Variants in NPAS3 observed in about 807,000 individuals in gnomAD.
NPAS3 encodes neuronal PAS domain-containing protein 3.
NPAS3 carries 14 observed loss-of-function variants against 73.1 expected under a neutral mutation model. The ratio of observed to expected loss-of-function variants is 0.19; its 90% CI spans 0.13 to 0.30. The LOEUF is 0.30. NPAS3 is among the 10% of genes least tolerant of loss of function. NPAS3 has a pLI of 1.00. For missense variants in NPAS3, 1,096 were observed against 1,250.0 expected, an observed-to-expected ratio of 0.88 and a Z score of 1.86; for synonymous variants, 620 against 541.5, an observed-to-expected ratio of 1.14 and a Z score of -2.01.
upstream of NPAS3, among the ~76,000 whole-genome samples, chr14:32,938,867 T>G (rs1368608977): frequency 2.8e-5 from 4 of 141,604 alleles, no homozygotes; most frequent in South Asian, 2.4e-4. Context: ...CTCCTCCTCC[T>G]CCGCCGCCGC....
chr14:33,210,897 A>C (rs1323850875), intron 2 of NPAS3, among the ~76,000 whole-genome samples: 7 of 152,236 alleles, frequency 4.6e-5, no homozygotes, highest in Non-Finnish European at 7.3e-5. Context: ...GACCATAGGC[A>C]AAATGAGGAC....
chr14:33,169,184 A>G lies in NPAS3; in HGVS notation c.141-45998A>G, dbSNP rs548617645. On this transcript the variant is annotated intron_variant, in intron 2 of 11. Coordinates refer to ENST00000356141, the Ensembl canonical transcript of NPAS3. ...AAATACTCTTTTATTTGAGGGCCAC[A>G]TTTTGTTCACTGCCATGTGGCTGAG... Among the ~76,000 whole-genome samples, 5 of 152,312 alleles carry G rather than the reference A, an allele frequency of 3.3e-5. No individual in the cohort carries two copies. In the South Asian group the frequency reaches 6.2e-4, roughly 19 times the overall value.
intron 1 of NPAS3, among the ~76,000 whole-genome samples, chr14:33,033,863 T>C (rs1442940842): frequency 6.6e-6 from 1 of 152,234 alleles, no homozygotes; most frequent in Non-Finnish European, 1.5e-5. Flanking sequence ...AGATTGTTAT[T>C]ATAGGCACAA....
In NPAS3 at chr14:33,792,769, C is replaced by A. The variant is rs192191650; in HGVS notation, c.1154-1128C>A. 1.9e-4 allele frequency among the ~76,000 whole-genome samples: 29 copies of A among 152,250 alleles called. 1 individual carries two copies. Among genetic ancestry groups the A allele is most frequent in the African/African-American group, 6.7e-4 (28 of 41,544 alleles). On this transcript the variant is annotated intron_variant, in intron 9 of 11. Transcript: ENST00000356141. ...GATAACCATTTAGCAGCTAATTTAG[C>A]CAAATTTATTACAGCAGTTAGAGGT...
At chr14:33,738,639 TC>T (rs1204368955) in intron 7 of NPAS3, among the ~76,000 whole-genome samples, 1 of 152,180 alleles carries the variant, frequency 6.6e-6, no homozygotes, top group African/African-American at 2.4e-5. Context: ...CTCAGGAAAG[TC>T]GCCCTCTCTC....
chr14:33,269,859 C>G (rs1223644937), intron 3 of NPAS3, among the ~76,000 whole-genome samples: 1 of 152,120 alleles, frequency 6.6e-6, no homozygotes, highest in Non-Finnish European at 1.5e-5. Context: ...AATACTCATT[C>G]AACCAGTGAT....
At chr14:33,005,384 G>A (rs1371592407) in intron 1 of NPAS3, among the ~76,000 whole-genome samples, 3 of 152,120 alleles carry the variant, frequency 2.0e-5, no homozygotes, top group Non-Finnish European at 4.4e-5. Context: ...TGACTATATT[G>A]TTATTCTGTG....
intron 2 of NPAS3, among the ~76,000 whole-genome samples, chr14:33,079,609 CTTTTTTTTTTTT>C (rs34920021): frequency 3.6e-5 from 2 of 56,046 alleles, no homozygotes; most frequent in East Asian, 6.1e-4. Context: ...TGAGCCAGGC[CTTTTTTTTTTTT>C]TTTTTTTTTT....
At chr14:33,057,794 G>T (rs1286056911) in intron 2 of NPAS3, among the ~76,000 whole-genome samples, 1 of 152,184 alleles carries the variant, frequency 6.6e-6, no homozygotes, top group Non-Finnish European at 1.5e-5. Flanking sequence ...TGAAGAAGGG[G>T]AGGAAATCCC....
Position 33,351,529 on chromosome 14 carries a change from A to C in NPAS3, c.386-15657A>C, listed in dbSNP as rs2045051733. 2.0e-5 allele frequency among the ~76,000 whole-genome samples: 3 copies of C among 152,262 alleles called. No homozygotes were observed. In the East Asian group the frequency reaches 5.8e-4, roughly 29 times the overall value. Reference sequence around the variant, plus strand: ...CATGTATATATGTCTTTGGAAGTTGAAAATATAAGTTGAAGATTTAAAAAT... The same window carrying C: ...CATGTATATATGTCTTTGGAAGTTGCAAATATAAGTTGAAGATTTAAAAAT... On this transcript the variant is annotated intron_variant, in intron 3 of 11. Transcript: ENST00000356141.
intron 6 of NPAS3, among the ~76,000 whole-genome samples, chr14:33,682,448 A>G (rs1416053573): frequency 6.6e-6 from 1 of 152,220 alleles, no homozygotes; most frequent in Non-Finnish European, 1.5e-5. Context: ...CTATGTCATC[A>G]TTAAGAACTT....
intron 2 of NPAS3, 83 bp downstream of exon 2, chr14:33,056,077 T>A (rs1201707781): frequency 1.6e-6 from 1 of 607,612 alleles, no homozygotes; most frequent in Non-Finnish European, 2.9e-6. Context: ...TATCCTTGTA[T>A]TGAAACCTTC....
chr14:33,371,446 G>A (rs2046083163), intron 4 of NPAS3, among the ~76,000 whole-genome samples: 1 of 152,102 alleles, frequency 6.6e-6, no homozygotes, highest in Non-Finnish European at 1.5e-5. Context: ...AGCATTTTGT[G>A]CATATTGGAA....
intron 5 of NPAS3, among the ~76,000 whole-genome samples, chr14:33,592,896 C>T (rs1395259695): frequency 2.6e-5 from 4 of 152,232 alleles, no homozygotes; most frequent in African/African-American, 7.2e-5. Context: ...CAGCAGATTA[C>T]TATGTTTTCT....
chr14:33,129,433 A>G (rs550331775), intron 2 of NPAS3, among the ~76,000 whole-genome samples: 1 of 152,114 alleles, frequency 6.6e-6, no homozygotes, highest in East Asian at 1.9e-4. Context: ...AAGAAGCTCC[A>G]TTTTCATCAC....
chr14:33,664,752 G>GA (rs2140289628), intron 5 of NPAS3, among the ~76,000 whole-genome samples: 1 of 152,278 alleles, frequency 6.6e-6, no homozygotes, highest in African/African-American at 2.4e-5. Flanking sequence ...ACAAACATAT[G>GA]AAAAAAGGCT....
At chr14:33,597,259 A>G (rs1411813658) in intron 5 of NPAS3, among the ~76,000 whole-genome samples, 1 of 152,154 alleles carries the variant, frequency 6.6e-6, no homozygotes, top group African/African-American at 2.4e-5. Flanking sequence ...CAATCTTTGG[A>G]GCACTGTAGC....
intron 2 of NPAS3, among the ~76,000 whole-genome samples, chr14:33,125,445 T>C (rs961645251): frequency 1.3e-5 from 2 of 152,140 alleles, no homozygotes; most frequent in Admixed American, 6.6e-5. Context: ...AGATTTTTTT[T>C]TCCTGACAAT....
intron 9 of NPAS3, among the ~76,000 whole-genome samples, chr14:33,782,518 T>C (rs973994428): frequency 6.6e-6 from 1 of 152,232 alleles, no homozygotes; most frequent in East Asian, 1.9e-4. Flanking sequence ...CCTAGGGTTC[T>C]TTGTGGGTCC....
Sources: gnomAD v4.1 joint callset for allele counts (sites outside exome capture counted in the v4.1 genomes callset) on GRCh38, gnomAD v4.1.1 for gene constraint, MANE v1.5 for transcripts, NCBI Gene and HGNC (gene_info 2026-07-23, HGNC 2026-07-21) for gene names.